Variants in RAB3GAP1 observed in about 807,000 individuals in gnomAD.
RAB3GAP1 encodes rab3 GTPase-activating protein catalytic subunit.
Under a neutral mutation model 130.7 loss-of-function variants are expected in RAB3GAP1, and 86 were observed. The ratio of observed to expected loss-of-function variants is 0.66; its 90% confidence interval spans 0.55 to 0.79. The LOEUF is 0.79. RAB3GAP1 is among the 30% of genes least tolerant of loss of function. RAB3GAP1 has a pLI of 0.00. For synonymous variants in RAB3GAP1, 367 were observed against 401.7 expected (o/e 0.91, Z 1.03); for missense variants, 1,029 against 1,169.4 (o/e 0.88, Z 1.75).
intron 3 of RAB3GAP1, among the ~76,000 whole-genome samples, chr2:135,081,105 G>A (rs947808876): frequency 1.3e-5 from 2 of 151,314 alleles, no homozygotes; most frequent in Non-Finnish European, 2.9e-5. Flanking sequence ...ACCATATTAC[G>A]TATTATATCC....
intron 5 of RAB3GAP1, among the ~76,000 whole-genome samples, chr2:135,097,082 C>T (rs1690318248): frequency 6.6e-6 from 1 of 152,022 alleles, no homozygotes; most frequent in South Asian, 2.1e-4. Context: ...TGAACTTCAA[C>T]ACTTTATATA....
chr2:135,130,844 T>G, intron 13 of RAB3GAP1, 123 bp downstream of exon 13: 2 of 897,514 alleles, frequency 2.2e-6, no homozygotes, highest in Non-Finnish European at 3.4e-6. Flanking sequence ...GTTACCACAT[T>G]TAGAAAATTC....
intron 2 of RAB3GAP1, among the ~76,000 whole-genome samples, chr2:135,053,203 C>G (rs1688927346): frequency 6.6e-6 from 1 of 152,220 alleles, no homozygotes; most frequent in African/African-American, 2.4e-5. Flanking sequence ...TCTTGAACTC[C>G]TGGGCTCAAG....
chr2:135,092,428 A>C (rs1690168528), intron 4 of RAB3GAP1, among the ~76,000 whole-genome samples: 1 of 151,990 alleles, frequency 6.6e-6, no homozygotes, highest in Non-Finnish European at 1.5e-5. Flanking sequence ...AATGAAGGTG[A>C]ATTATTTTTT....
chr2:135,129,968 T>C, intron 11 of RAB3GAP1, 27 bp from the exon 12 acceptor site: 3 of 1,492,294 alleles, frequency 2.0e-6, no homozygotes, highest in South Asian at 1.2e-5. Context: ...CAGTTAAGTG[T>C]CAAAAATAAC....
At chr2:135,054,076 T>C (rs1688948271) in intron 2 of RAB3GAP1, among the ~76,000 whole-genome samples, 1 of 152,130 alleles carries the variant, frequency 6.6e-6, no homozygotes, top group East Asian at 1.9e-4. Flanking sequence ...GAAGACGGGA[T>C]TGGGTTATGG....
intron 3 of RAB3GAP1, among the ~76,000 whole-genome samples, chr2:135,064,385 T>A (rs569441383): frequency 1.6e-4 from 25 of 152,282 alleles, no homozygotes; most frequent in African/African-American, 4.8e-4. Flanking sequence ...CAGTCTTTTT[T>A]CTCTCTGTTC....
intron 3 of RAB3GAP1, among the ~76,000 whole-genome samples, chr2:135,077,133 G>C (rs191380504): frequency 2.6e-5 from 4 of 152,198 alleles, no homozygotes; most frequent in African/African-American, 9.6e-5. Flanking sequence ...AGCCAGGCAT[G>C]GTGGCTCACG....
At chr2:135,079,287 C>T (rs1558765292) in intron 3 of RAB3GAP1, among the ~76,000 whole-genome samples, 1 of 152,108 alleles carries the variant, frequency 6.6e-6, no homozygotes, top group African/African-American at 2.4e-5. Context: ...CACCTGGCCC[C>T]TATACTACTT....
intron 19 of RAB3GAP1, among the ~76,000 whole-genome samples, chr2:135,159,414 G>A (rs1387380061): frequency 6.6e-6 from 1 of 152,188 alleles, no homozygotes; most frequent in Non-Finnish European, 1.5e-5. Context: ...TGATGACAGT[G>A]GCACTTTACC....
At position 135,117,802 on chromosome 2, in the gene RAB3GAP1, CTTCTTCT is replaced by C. The variant is rs1364472512; in HGVS notation, c.648+2430_648+2436del. Among the ~76,000 whole-genome samples, 6 of 148,466 alleles carry C rather than the reference CTTCTTCT, an allele frequency of 4.0e-5. No homozygotes were observed. In the South Asian group the frequency reaches 8.3e-4, roughly 21 times the overall value. ...GCTTCTTCTGCTTCTTCTTCTTCTT[CTTCTTCT>C]TTCTTCTTCTTTCTTCTTCTTCTTT... On this transcript the variant is annotated intron_variant, in intron 7 of 23. Transcript: ENST00000264158.
intron 14 of RAB3GAP1, among the ~76,000 whole-genome samples, chr2:135,133,407 A>T (rs889271448): frequency 4.6e-5 from 7 of 152,174 alleles, no homozygotes; most frequent in Non-Finnish European, 1.0e-4. Context: ...AAGAATTTAA[A>T]TGACAAGTGT....
intron 7 of RAB3GAP1, among the ~76,000 whole-genome samples, chr2:135,116,034 G>A (rs775906759): frequency 6.6e-6 from 1 of 152,118 alleles, no homozygotes; most frequent in African/African-American, 2.4e-5. Context: ...ATAACCAATA[G>A]TGGAAGGGAT....
intron 7 of RAB3GAP1, among the ~76,000 whole-genome samples, chr2:135,117,780 TCTTCTG>T (rs1203672387): frequency 2.0e-5 from 3 of 148,512 alleles, no homozygotes; most frequent in African/African-American, 2.5e-5. Flanking sequence ...TTCTTCTGCT[TCTTCTG>T]CTTCTTCTTC....
At chr2:135,165,045 C>G in intron 23 of RAB3GAP1, 1 of 424,470 alleles carries the variant, frequency 2.4e-6, no homozygotes, top group Non-Finnish European at 4.7e-6. Context: ...GAATGGAGTT[C>G]AGTTTTACCA....
At chr2:135,141,806 A>G (rs1276866047) in intron 17 of RAB3GAP1, among the ~76,000 whole-genome samples, 1 of 152,220 alleles carries the variant, frequency 6.6e-6, no homozygotes, top group Non-Finnish European at 1.5e-5. Flanking sequence ...TGTTGAAAAG[A>G]TCTGCCTTTT....
intron 5 of RAB3GAP1, among the ~76,000 whole-genome samples, chr2:135,105,277 G>A (rs1004361789): frequency 4.6e-4 from 64 of 138,046 alleles, no homozygotes; most frequent in Non-Finnish European, 7.7e-4. Context: ...TCCCTCTGAT[G>A]CCAAGCCGAA....
rs1007267244 is a variant in RAB3GAP1 at position 135,099,912 on chromosome 2, C to G, written c.362+6219C>G. Among the ~76,000 whole-genome samples, 7 of 152,036 alleles carry G rather than the reference C, an allele frequency of 4.6e-5. 1 individual carries two copies. The highest frequency in any genetic ancestry group is 4.6e-4 in the Admixed American group (7 of 15,266). On this transcript the variant is annotated intron_variant, in intron 5 of 23. Coordinates refer to ENST00000264158, the MANE Select transcript of RAB3GAP1 (RefSeq NM_012233.3). Reference sequence around the variant, plus strand: ...AAGCTTGTGCGTTTAGGTTATATAGCAGAGAGATTGGTAATCTCATCAGAA... The same window carrying G: ...AAGCTTGTGCGTTTAGGTTATATAGGAGAGAGATTGGTAATCTCATCAGAA...
At chr2:135,075,153 A>G (rs577228888) in intron 3 of RAB3GAP1, among the ~76,000 whole-genome samples, 45 of 152,346 alleles carry the variant, frequency 3.0e-4, no homozygotes, top group Non-Finnish European at 5.3e-4. Flanking sequence ...GGGGCAAGGT[A>G]TCTGTCTAAG....
Sources: gnomAD v4.1 joint callset for allele counts (sites outside exome capture counted in the v4.1 genomes callset) on GRCh38, gnomAD v4.1.1 for gene constraint, MANE v1.5 for transcripts, NCBI Gene and HGNC (gene_info 2026-07-23, HGNC 2026-07-21) for gene names.